CACNA1A: variants seen among roughly 807,000 people sequenced by gnomAD.
CACNA1A encodes the protein calcium voltage-gated channel subunit alpha1 A.
In CACNA1A, 57 loss-of-function variants were observed where a neutral mutation model predicts 262.4. That is an observed-to-expected ratio of 0.22 (90% CI 0.18 to 0.27). The LOEUF (loss-of-function observed/expected upper bound fraction) is 0.27, where lower values mean the gene tolerates loss of function less well. CACNA1A is among the 10% of genes least tolerant of loss of function. The probability of loss-of-function intolerance (pLI) is 1.00; values close to 1 mark genes in which losing one functional copy is unlikely to be tolerated. For synonymous variants in CACNA1A, 1,431 were observed against 1,419.3 expected (o/e 1.01, Z -0.18); for missense variants, 2,526 against 3,562.8 (o/e 0.71, Z 7.41).
At chr19:13,261,640 G>A in intron 25 of CACNA1A, 30 bp from the exon 26 acceptor site, 1 of 1,597,958 alleles carries the variant, frequency 6.3e-7, no homozygotes, top group Non-Finnish European at 8.5e-7. Context: ...GAGAGCATGA[G>A]GGGCTGGGGA....
intron 10 of CACNA1A, among the ~76,000 whole-genome samples, chr19:13,318,077 G>A (rs1189222267): frequency 6.6e-6 from 1 of 152,194 alleles, no homozygotes; most frequent in African/African-American, 2.4e-5. Flanking sequence ...GAGGCCAGGA[G>A]TTTGACACCA....
intron 1 of CACNA1A, among the ~76,000 whole-genome samples, chr19:13,473,437 A>G (rs1599334048): frequency 6.6e-6 from 1 of 152,244 alleles, no homozygotes; most frequent in East Asian, 1.9e-4. Flanking sequence ...CGTCCAAGGG[A>G]GCTCAGCACT....
At chr19:13,208,130 G>A (rs932394563) in intron 46 of CACNA1A, 77 bp from the exon 47 acceptor site, 1 of 971,636 alleles carries the variant, frequency 1.0e-6, no homozygotes, top group African/African-American at 1.7e-5. Context: ...TTGGGAGGAA[G>A]AGAGGGGAGC....
chr19:13,380,189 C>A, intron 3 of CACNA1A, among the ~76,000 whole-genome samples: 1 of 111,602 alleles, frequency 9.0e-6, no homozygotes, highest in Non-Finnish European at 1.8e-5. Context: ...GAGGCTAAGG[C>A]AGGAGAATAG....
chr19:13,381,923 A>C (rs2059530178), intron 3 of CACNA1A, among the ~76,000 whole-genome samples: 1 of 152,092 alleles, frequency 6.6e-6, no homozygotes, highest in Non-Finnish European at 1.5e-5. Context: ...GGTGTGAGCC[A>C]TGGAGGGTTC....
At chr19:13,398,351 G>A (rs761604254) in intron 3 of CACNA1A, among the ~76,000 whole-genome samples, 6 of 152,116 alleles carry the variant, frequency 3.9e-5, no homozygotes, top group Non-Finnish European at 5.9e-5. Context: ...TGCATGTTGG[G>A]ATTCTTTGTT....
chr19:13,503,025 C>A (rs2145179935), intron 1 of CACNA1A, among the ~76,000 whole-genome samples: 1 of 152,194 alleles, frequency 6.6e-6, no homozygotes, highest in Admixed American at 6.5e-5. Context: ...CAAAAAGTAG[C>A]AGGGGCGATT....
rs535866534 is a variant in CACNA1A, at chr19:13,412,440, G to A, written c.539+40436C>T. 1.7e-4 allele frequency among the ~76,000 whole-genome samples: 26 copies of A among 151,544 alleles called. No homozygotes were observed. In the South Asian group the frequency reaches 4.2e-3, roughly 25 times the overall value. ...GAGAAACTGGGTGAAGGGTATGTGG[G>A]AACTCTTTATAATATATTTATAACC... On this transcript the variant is annotated intron_variant, in intron 3 of 46. Coordinates refer to ENST00000360228, the MANE Select transcript of CACNA1A (RefSeq NM_001127222.2).
At chr19:13,437,094 C>G (rs532572690) in intron 3 of CACNA1A, among the ~76,000 whole-genome samples, 1 of 152,184 alleles carries the variant, frequency 6.6e-6, no homozygotes, top group Non-Finnish European at 1.5e-5. Flanking sequence ...ACAGCATGTG[C>G]AAAGTCCCTG....
chr19:13,412,700 C>A (rs1223246032), intron 3 of CACNA1A, among the ~76,000 whole-genome samples: 1 of 152,156 alleles, frequency 6.6e-6, no homozygotes, highest in East Asian at 1.9e-4. Flanking sequence ...TGGTCTCAAA[C>A]GCCCAACCTC....
intron 19 of CACNA1A, among the ~76,000 whole-genome samples, chr19:13,292,388 G>A (rs1391011601): frequency 3.3e-5 from 5 of 152,104 alleles, no homozygotes; most frequent in African/African-American, 1.2e-4. Flanking sequence ...TGAGGTGGGA[G>A]GATCGCTTGA....
intron 37 of CACNA1A, chr19:13,225,721 G>C (rs2055410461): frequency 6.6e-6 from 1 of 152,142 alleles, no homozygotes; most frequent in South Asian, 2.1e-4. Flanking sequence ...AGGGGACACT[G>C]GGGGTAGGGT....
At chr19:13,389,442 C>T (rs2059674960) in intron 3 of CACNA1A, among the ~76,000 whole-genome samples, 4 of 152,110 alleles carry the variant, frequency 2.6e-5, no homozygotes, top group Admixed American at 2.6e-4. Context: ...GACATAAGCG[C>T]TGATGGTGCT....
intron 24 of CACNA1A, among the ~76,000 whole-genome samples, chr19:13,270,533 A>T (rs530660001): frequency 6.6e-6 from 1 of 152,358 alleles, no homozygotes; most frequent in Non-Finnish European, 1.5e-5. Flanking sequence ...TCATAGGGTG[A>T]GAGACCTTCT....
At chr19:13,432,796 C>T (rs1010471685) in intron 3 of CACNA1A, among the ~76,000 whole-genome samples, 4 of 151,908 alleles carry the variant, frequency 2.6e-5, no homozygotes, top group African/African-American at 9.7e-5. Flanking sequence ...TTTAATCATT[C>T]AAAAATGTAA....
chr19:13,495,742 C>T (rs925080800), intron 1 of CACNA1A, among the ~76,000 whole-genome samples: 1 of 152,060 alleles, frequency 6.6e-6, no homozygotes, highest in African/African-American at 2.4e-5. Flanking sequence ...ATCCAACATC[C>T]ACCCATCCAC....
chr19:13,422,668 C>T (rs926652013), intron 3 of CACNA1A, among the ~76,000 whole-genome samples: 2 of 152,160 alleles, frequency 1.3e-5, no homozygotes, highest in Non-Finnish European at 2.9e-5. Flanking sequence ...CTGGGACACA[C>T]GGTATCAGTT....
chr19:13,308,124 C>T lies in CACNA1A; in HGVS notation c.1909G>A (p.Gly637Ser), dbSNP rs776578428. 1 of 1,613,814 alleles carries T rather than the reference C, an allele frequency of 6.2e-7. No individual in the cohort carries two copies. The highest frequency in any genetic ancestry group is 8.5e-7 in the Non-Finnish European group (1 of 1,179,832). ...FALLGMQLFG[G>S]QFNFDEGTPP... ...GAATTCCTGTGAAGGACTTACTGGC[C>T]GCCGAAGAGTTGCATTCCCAAAAGG... Residue 637 changes from glycine (G) to serine (S), a missense_variant, in exon 14 of 47, where the codon GGC becomes AGC. By Grantham distance (56) the Gly-to-Ser change is moderately conservative. This residue lies in a region of CACNA1A where 102 missense variants were observed against 278.9 expected (regional missense o/e 0.37). Transcript: ENST00000360228. This position sits in a 1 kb window ranked among gnomAD's most constrained non-coding sequence, Gnocchi z 4.2.
chr19:13,241,339 A>G lies in CACNA1A; in HGVS notation c.4950+3843T>C, dbSNP rs1201284863. Among the ~76,000 whole-genome samples, 1 of 152,156 alleles carries G rather than the reference A, an allele frequency of 6.6e-6. No individual in the cohort carries two copies. Among genetic ancestry groups the G allele is most frequent in the Non-Finnish European group, 1.5e-5 (1 of 68,024 alleles). On this transcript the variant is annotated intron_variant, in intron 31 of 46. Coordinates refer to ENST00000360228, the MANE Select transcript of CACNA1A (RefSeq NM_001127222.2). This position sits in a 1 kb window ranked among gnomAD's most constrained non-coding sequence, Gnocchi z 4.0. Reference sequence around the variant, plus strand: ...ATAAAAACAGAGAGACAGAGTCTACAGGAAGTGGGAGGCACAGGGGCTGGG... The same window carrying G: ...ATAAAAACAGAGAGACAGAGTCTACGGGAAGTGGGAGGCACAGGGGCTGGG...
Sources: allele counts gnomAD v4.1 joint callset (sites outside exome capture counted in the v4.1 genomes callset), GRCh38; gene constraint gnomAD v4.1.1; regional missense constraint gnomAD v4.1.1; non-coding constraint Gnocchi (gnomAD v3.1); transcripts MANE v1.5; gene names NCBI Gene and HGNC (gene_info 2026-07-23, HGNC 2026-07-21).